STX7: variants seen among roughly 807,000 people sequenced by gnomAD.
STX7 encodes syntaxin 7, also known as syntaxin-7.
In STX7, 34 loss-of-function variants were observed where a neutral mutation model predicts 39.6. That is an observed-to-expected ratio of 0.86 (90% CI 0.65 to 1.14). STX7 has a LOEUF of 1.14. STX7 is among the 50% of genes most tolerant of loss of function. STX7 has a pLI of 0.00. For missense variants in STX7, 284 were observed against 310.4 expected (o/e 0.92, Z 0.64); for synonymous variants, 119 against 99.1 (o/e 1.20, Z -1.19).
chr6:132,473,698 T>C (rs1039610218), intron 3 of STX7, among the ~76,000 whole-genome samples: 2 of 152,080 alleles, frequency 1.3e-5, no homozygotes, highest in African/African-American at 2.4e-5. Context: ...TTGTGATGTT[T>C]TACAAATCAC....
In STX7 at chr6:132,464,032, C is replaced by T. The variant is rs1187288978; in HGVS notation, c.654G>A (p.Gln218=). The part of the protein sequence containing the change: ...ANVENAEVHV[Q]QANQQLSRAA... ...CCCTTGACAGCTGCTGATTTGCTTG[C>T]TGAACGTGCACCTCTGCATTTTCCA... The change falls in exon 9 of 10, where the codon CAG becomes CAA. Residue 218 remains glutamine (Q), a synonymous_variant. Coordinates refer to ENST00000367941, the MANE Select transcript of STX7 (RefSeq NM_003569.3). The T allele has an allele frequency of 1.2e-6, 2 of 1,614,098 alleles. No homozygotes were observed. The highest frequency in any genetic ancestry group is 2.7e-5 in the African/African-American group (2 of 75,038).
In STX7 at chr6:132,500,698, T is replaced by C. The variant is rs192535402; in HGVS notation, c.85+2748A>G. On this transcript the variant is annotated intron_variant, in intron 2 of 9. Coordinates refer to ENST00000367941, the MANE Select transcript of STX7 (RefSeq NM_003569.3). ...GGAACAGTATCTAGCAAGTACTATG[T>C]ATCCCAAAAATTATTTGTTGAATGA... Among the ~76,000 whole-genome samples, 498 of 152,348 alleles carry C rather than the reference T, an allele frequency of 3.3e-3. 1 individual carries two copies. The highest frequency in any genetic ancestry group is 0.014 in the Middle Eastern group (4 of 294).
intron 8 of STX7, among the ~76,000 whole-genome samples, chr6:132,465,742 G>GA (rs1393294375): frequency 6.6e-6 from 1 of 152,102 alleles, no homozygotes; most frequent in Non-Finnish European, 1.5e-5. Context: ...ACGTTTTCAT[G>GA]ACCCTATCTA....
At chr6:132,468,076 T>C (rs990286621) in intron 8 of STX7, among the ~76,000 whole-genome samples, 3 of 152,094 alleles carry the variant, frequency 2.0e-5, no homozygotes, top group Non-Finnish European at 4.4e-5. Flanking sequence ...GACAAATAAA[T>C]TGGAGTAAGA....
chr6:132,485,516 TTG>T (rs1775111035), intron 2 of STX7, among the ~76,000 whole-genome samples: 1 of 152,214 alleles, frequency 6.6e-6, no homozygotes, highest in African/African-American at 2.4e-5. Flanking sequence ...TATTTAATTT[TTG>T]TGTGTGGATA....
chr6:132,496,913 C>G (rs1294765674), intron 2 of STX7, among the ~76,000 whole-genome samples: 1 of 152,074 alleles, frequency 6.6e-6, no homozygotes, highest in Non-Finnish European at 1.5e-5. Flanking sequence ...CATGAGAAAC[C>G]TATGACTAAA....
rs547156994 is a variant in STX7 at position 132,458,408 on chromosome 6, G to A, written c.*2350C>T. The A allele has an allele frequency of 2.0e-5, 3 of 152,076 alleles. No homozygotes were observed. The highest frequency in any genetic ancestry group is 2.1e-4 in the South Asian group (1 of 4,816). The allele number at this position is 152,076 out of a possible 1,614,324, so 9.4% of individuals were successfully genotyped here. On this transcript the variant is annotated 3_prime_UTR_variant, in exon 10 of 10. Transcript: ENST00000367941. ...ATATTGCAAAACCATAGTATTTAAC[G>A]ACCAATAAACAGCCAAATACCTAAT...
chr6:132,472,822 C>G (rs997434290), intron 3 of STX7, among the ~76,000 whole-genome samples: 15 of 152,062 alleles, frequency 9.9e-5, no homozygotes, highest in Admixed American at 9.2e-4. Context: ...TCTCTTATTT[C>G]TCTATGTGAA....
chr6:132,482,787 G>A (rs1775043955), intron 2 of STX7, among the ~76,000 whole-genome samples: 1 of 152,100 alleles, frequency 6.6e-6, no homozygotes, highest in African/African-American at 2.4e-5. Context: ...AAGTGATCAA[G>A]GAAGAAACGC....
At position 132,452,201 on chromosome 6, in the gene STX7, C is replaced by A. The variant is rs931069479; in HGVS notation, c.*8557G>T. 1.1e-4 allele frequency: 17 copies of A among 152,114 alleles called. No individual in the cohort carries two copies. Among genetic ancestry groups the A allele is most frequent in the African/African-American group, 4.1e-4 (17 of 41,524 alleles). The allele number at this position is 152,114 out of a possible 1,614,324, so 9.4% of individuals were successfully genotyped here. On this transcript the variant is annotated 3_prime_UTR_variant, in exon 10 of 10. Coordinates refer to ENST00000367941, the MANE Select transcript of STX7 (RefSeq NM_003569.3). ...TTCAACATAAAATTCATAATAAAAA[C>A]TTGCAGAAAAAAAGGAATAAAAGAT...
At chr6:132,498,734 A>T (rs1310664974) in intron 2 of STX7, among the ~76,000 whole-genome samples, 1 of 152,222 alleles carries the variant, frequency 6.6e-6, no homozygotes, top group Non-Finnish European at 1.5e-5. Flanking sequence ...TGGGGAAAAA[A>T]GTGAACTGAA....
At position 132,447,341 on chromosome 6, in the gene STX7, C is replaced by T. The variant is rs1352254434; in HGVS notation, c.*13417G>A. The T allele has an allele frequency of 6.6e-6, 1 of 152,106 alleles. No individual in the cohort carries two copies. The highest frequency in any genetic ancestry group is 6.6e-5 in the Admixed American group (1 of 15,266). The allele number at this position is 152,106 out of a possible 1,614,324, so 9.4% of individuals were successfully genotyped here. On this transcript the variant is annotated 3_prime_UTR_variant, in exon 10 of 10. Transcript: ENST00000367941. Reference sequence around the variant, plus strand: ...ATGGTTAATATCTTTTGCAGATTTTCTAAGAAATCTTTCCCTATCAGAGGT... The same window carrying T: ...ATGGTTAATATCTTTTGCAGATTTTTTAAGAAATCTTTCCCTATCAGAGGT...
At position 132,449,910 on chromosome 6, in the gene STX7, AT is replaced by A. The variant is rs1464148875; in HGVS notation, c.*10847del. 6.6e-6 allele frequency: 1 copy of A among 152,230 alleles called. No homozygotes were observed. Among genetic ancestry groups the A allele is most frequent in the Admixed American group, 6.5e-5 (1 of 15,284 alleles). 9.4% of individuals were successfully genotyped at this position (152,230 alleles called of 1,614,324 possible). A position where few individuals can be genotyped will look rare whatever the true frequency, so the allele number is the denominator to read the frequency against. On this transcript the variant is annotated 3_prime_UTR_variant, in exon 10 of 10. Transcript: ENST00000367941. Reference sequence around the variant, plus strand: ...ATGTTTGATTAATCTAGAAGCATTAATTAGGGAGGCTTTCCTTCGGAGGGGA... The same window carrying A: ...ATGTTTGATTAATCTAGAAGCATTAATAGGGAGGCTTTCCTTCGGAGGGGA...
chr6:132,505,230 A>T (rs1385779214), intron 1 of STX7, among the ~76,000 whole-genome samples: 2 of 152,220 alleles, frequency 1.3e-5, no homozygotes, highest in African/African-American at 2.4e-5. Context: ...CAGGGTTCTG[A>T]TGCCAAGGCT....
chr6:132,508,265 C>T (rs1464727965), intron 1 of STX7, among the ~76,000 whole-genome samples: 1 of 152,228 alleles, frequency 6.6e-6, no homozygotes, highest in East Asian at 1.9e-4. Context: ...TATTCTACAG[C>T]ATTTTCCTTA....
rs114989856 is a variant in STX7, at chr6:132,490,238, C to T, written c.85+13208G>A. ...ATGAGCTTCCTTCCTGTCATCCACT[C>T]GAGGGCCCAATAATTCTCCTACTGC... On this transcript the variant is annotated intron_variant, in intron 2 of 9. Transcript: ENST00000367941. 4.8e-3 allele frequency among the ~76,000 whole-genome samples: 730 copies of T among 152,282 alleles called. 12 individuals are homozygous for T. Among genetic ancestry groups the T allele is most frequent in the African/African-American group, 0.016 (683 of 41,564 alleles).
At chr6:132,503,413 C>A (rs199513513) in intron 2 of STX7, 33 bp downstream of exon 2, 72 of 1,571,698 alleles carry the variant, frequency 4.6e-5, no homozygotes, top group Non-Finnish European at 6.2e-5. Context: ...AGAGTGGATA[C>A]AAATAGTGAA....
chr6:132,486,622 T>G (rs1352047916), intron 2 of STX7, among the ~76,000 whole-genome samples: 1 of 151,990 alleles, frequency 6.6e-6, no homozygotes, highest in Non-Finnish European at 1.5e-5. Context: ...TTTTCTGCAT[T>G]TATGTCATGA....
Position 132,460,453 on chromosome 6 carries a change from A to C in STX7, c.*305T>G, listed in dbSNP as rs7765381. 516 of 196,632 alleles carry C rather than the reference A, an allele frequency of 2.6e-3. 2 individuals carry two copies. Among genetic ancestry groups the C allele is most frequent in the African/African-American group, 0.012 (501 of 42,996 alleles). The allele number at this position is 196,632 out of a possible 1,614,324, so 12.2% of individuals were successfully genotyped here. Reference sequence around the variant, plus strand: ...CACCTTTAAATTTACGAATTCCCAAAACTAAGTCAAGCAGGGTAAATAAAT... The same window carrying C: ...CACCTTTAAATTTACGAATTCCCAACACTAAGTCAAGCAGGGTAAATAAAT... On this transcript the variant is annotated 3_prime_UTR_variant, in exon 10 of 10. Coordinates refer to ENST00000367941, the MANE Select transcript of STX7 (RefSeq NM_003569.3).
Sources: allele counts gnomAD v4.1 joint callset (sites outside exome capture counted in the v4.1 genomes callset), GRCh38; gene constraint gnomAD v4.1.1; transcripts MANE v1.5; gene names NCBI Gene and HGNC (gene_info 2026-07-23, HGNC 2026-07-21).